GSE1: variants seen among roughly 807,000 people sequenced by gnomAD.
GSE1 encodes genetic suppressor element 1.
A neutral mutation model predicts 112.6 loss-of-function variants in GSE1; 32 were observed. The observed-to-expected ratio is 0.28, with a 90% CI of 0.21 to 0.38. The LOEUF (loss-of-function observed/expected upper bound fraction) is 0.38, where lower values mean the gene tolerates loss of function less well. GSE1 is among the 10% of genes least tolerant of loss of function. The pLI is 1.00. For synonymous variants in GSE1, 1,115 were observed against 735.6 expected (o/e 1.52, Z -8.35); for missense variants, 2,348 against 1,699.2 (o/e 1.38, Z -6.71).
intron 1 of GSE1, among the ~76,000 whole-genome samples, chr16:85,354,138 C>T (rs1437185317): frequency 6.6e-6 from 1 of 152,214 alleles, no homozygotes; most frequent in Non-Finnish European, 1.5e-5. Flanking sequence ...GACCCCTCCC[C>T]TTCTCAAACT....
rs762601554 is a variant in GSE1, at chr16:85,654,327, A to C, written c.476A>C (p.Glu159Ala). The C allele has an allele frequency of 4.3e-6, 7 of 1,611,184 alleles. No homozygotes were observed. The highest frequency in any genetic ancestry group is 5.1e-6 in the Non-Finnish European group (6 of 1,179,450). ...GGAGGTCGGGAACGCCTCATTGTGG[A>C]GCCCCCGCTCCCTCAGGAGAAGGCA... ...SSGGRERLIV[E>A]PPLPQEKAGG... Residue 159 changes from glutamate to alanine, a missense_variant, in exon 4 of 16, where the codon GAG becomes GCG. Coordinates refer to ENST00000253458, the MANE Select transcript of GSE1 (RefSeq NM_014615.5).
chr16:85,236,924 G>A (rs752934052), intron 1 of GSE1, among the ~76,000 whole-genome samples: 9 of 152,158 alleles, frequency 5.9e-5, no homozygotes, highest in Non-Finnish European at 8.8e-5. Context: ...AGAACTCCCC[G>A]AATGAACTGT....
At position 85,287,519 on chromosome 16, in the gene GSE1, T is replaced by C. The variant is rs1377851220; in HGVS notation, c.2284-69944T>C. On this transcript the variant is annotated intron_variant, in intron 1 of 2. Coordinates refer to the GSE1 transcript ENST00000637419. ...TGCTGGCCTTCTTGCTGTTCCTTGATTGCACCAGCCACGCCGCTGCCTCAG... is the reference window on the plus strand; with the variant it reads ...TGCTGGCCTTCTTGCTGTTCCTTGACTGCACCAGCCACGCCGCTGCCTCAG... Among the ~76,000 whole-genome samples, 4 of 152,122 alleles carry C rather than the reference T, an allele frequency of 2.6e-5. No individual in the cohort carries two copies. The South Asian group carries it at 6.2e-4, about 24-fold the overall frequency.
chr16:85,654,485 C>T (rs779960628), intron 4 of GSE1, 35 bp downstream of exon 4: 3 of 1,529,432 alleles, frequency 2.0e-6, no homozygotes, highest in Non-Finnish European at 2.7e-6. Flanking sequence ...GTGAGGTGGC[C>T]AGGTGGGGAC....
intron 2 of GSE1, among the ~76,000 whole-genome samples, chr16:85,503,805 G>A (rs993001891): frequency 3.9e-5 from 6 of 152,166 alleles, no homozygotes; most frequent in Non-Finnish European, 7.3e-5. Context: ...CCAAGCGGCC[G>A]TCATTTGATA....
chr16:85,231,183 T>C (rs531748435), intron 1 of GSE1, among the ~76,000 whole-genome samples: 21 of 148,432 alleles, frequency 1.4e-4, no homozygotes, highest in Admixed American at 1.4e-3. Context: ...GATGGATGGA[T>C]GGATGGACAG....
At position 85,419,216 on chromosome 16, in the gene GSE1, C is replaced by T. The variant is rs2048770790; in HGVS notation, c.2464+61573C>T. ...GCTGCCTTAGTCTCTGCAGGGACAGCAGTGAGGGTGCCCGGGCCCTGCCCT... is the reference window on the plus strand; with the variant it reads ...GCTGCCTTAGTCTCTGCAGGGACAGTAGTGAGGGTGCCCGGGCCCTGCCCT... On this transcript the variant is annotated intron_variant, in intron 2 of 2. Transcript: ENST00000637419. The surrounding 1 kb of genome is among the most constrained non-coding windows in gnomAD (Gnocchi z 6.5). Among the ~76,000 whole-genome samples, 1 of 152,178 alleles carries T rather than the reference C, an allele frequency of 6.6e-6. No individual in the cohort carries two copies. The highest frequency in any genetic ancestry group is 1.5e-5 in the Non-Finnish European group (1 of 68,038).
At position 85,629,423 on chromosome 16, in the gene GSE1, G is replaced by A. The variant is rs773155886; in HGVS notation, c.8-4491G>A. ...GTGAAATGACCATACGGTGCCCCACGTTCCCCTTTTGCGGTAGCATGTGGT... is the reference window on the plus strand; with the variant it reads ...GTGAAATGACCATACGGTGCCCCACATTCCCCTTTTGCGGTAGCATGTGGT... On this transcript the variant is annotated intron_variant, in intron 1 of 15. Transcript: ENST00000253458. Among the ~76,000 whole-genome samples, 9 of 152,160 alleles carry A rather than the reference G, an allele frequency of 5.9e-5. No homozygotes were observed. The South Asian group carries it at 1.0e-3, about 18-fold the overall frequency.
intron 2 of GSE1, among the ~76,000 whole-genome samples, chr16:85,391,646 C>T (rs1299120976): frequency 6.6e-6 from 1 of 152,132 alleles, no homozygotes; most frequent in Non-Finnish European, 1.5e-5. Flanking sequence ...TTAATATGCC[C>T]ACATTTTAAC....
chr16:85,389,771 C>T (rs2047794223), intron 2 of GSE1, among the ~76,000 whole-genome samples: 1 of 152,158 alleles, frequency 6.6e-6, no homozygotes, highest in Non-Finnish European at 1.5e-5. Flanking sequence ...TGAACTAACC[C>T]ATTGAATCCC....
chr16:85,189,234 T>G (rs191164645), intron 1 of GSE1, among the ~76,000 whole-genome samples: 23 of 152,372 alleles, frequency 1.5e-4, no homozygotes, highest in Non-Finnish European at 2.8e-4. Flanking sequence ...TATCTGTATG[T>G]AGCATTTTTG....
At chr16:85,370,449 C>T (rs759291076) in intron 2 of GSE1, among the ~76,000 whole-genome samples, 23 of 152,330 alleles carry the variant, frequency 1.5e-4, no homozygotes, top group Middle Eastern at 3.4e-3. Context: ...GAACACAGCA[C>T]GGTGCAACCC....
chr16:85,362,729 G>A (rs2047107582), intron 2 of GSE1, among the ~76,000 whole-genome samples: 1 of 152,188 alleles, frequency 6.6e-6, no homozygotes, highest in Non-Finnish European at 1.5e-5. Context: ...TGGCCATTGG[G>A]GCTGCCGTGT....
At chr16:85,442,448 G>GAATA (rs1382430079) in intron 2 of GSE1, among the ~76,000 whole-genome samples, 242 of 151,890 alleles carry the variant, frequency 1.6e-3, no homozygotes, top group African/African-American at 5.6e-3. Context: ...ATGGATGAAT[G>GAATA]AATGAATGAA....
chr16:85,343,110 A>C (rs1173171153), intron 1 of GSE1, among the ~76,000 whole-genome samples: 2 of 151,994 alleles, frequency 1.3e-5, no homozygotes, highest in Non-Finnish European at 2.9e-5. Context: ...TGTTAAACCC[A>C]AAATCAGCAA....
At chr16:85,288,984 G>A (rs181127847) in intron 1 of GSE1, among the ~76,000 whole-genome samples, 1 of 152,308 alleles carries the variant, frequency 6.6e-6, no homozygotes, top group Admixed American at 6.5e-5. Context: ...AAACAATGGT[G>A]TCAGGCTCTC....
At chr16:85,333,126 G>A (rs553081341) in intron 1 of GSE1, among the ~76,000 whole-genome samples, 19 of 152,232 alleles carry the variant, frequency 1.2e-4, no homozygotes, top group African/African-American at 4.6e-4. Flanking sequence ...CTGGGAGGTG[G>A]ACACTGAGCT....
At chr16:85,548,245 AAGAAAGAAAG>A (rs1437127678) in intron 2 of GSE1, among the ~76,000 whole-genome samples, 3 of 72,544 alleles carry the variant, frequency 4.1e-5, no homozygotes, top group African/African-American at 1.3e-4. Context: ...AAAAAAAAAA[AAGAAAGAAAG>A]AAAGAAAGAA....
chr16:85,372,639 G>A (rs891013896), intron 2 of GSE1, among the ~76,000 whole-genome samples: 10 of 152,288 alleles, frequency 6.6e-5, no homozygotes, highest in Non-Finnish European at 5.9e-5. Context: ...CGTGCAACCC[G>A]TCAAGGAGTC....
Sources: gnomAD v4.1 joint callset for allele counts (sites outside exome capture counted in the v4.1 genomes callset) on GRCh38, gnomAD v4.1.1 for gene constraint, Gnocchi (gnomAD v3.1) non-coding constraint, MANE v1.5 for transcripts, NCBI Gene and HGNC (gene_info 2026-07-23, HGNC 2026-07-21) for gene names.